The following KCNT2 variants were observed in gnomAD, a reference collection of about 807,000 sequenced individuals.
KCNT2 encodes potassium sodium-activated channel subfamily T member 2, also known as potassium channel subfamily T member 2.
In KCNT2, 67 loss-of-function variants were observed where a neutral mutation model predicts 153.8. That is an observed-to-expected ratio of 0.44 (90% CI 0.36 to 0.53). The LOEUF (loss-of-function observed/expected upper bound fraction) is 0.53, where lower values mean the gene tolerates loss of function less well. Among genes scored for constraint, KCNT2 ranks in the 20% least tolerant of loss-of-function variants. The probability of loss-of-function intolerance (pLI) is 0.00; values close to 1 mark genes in which losing one functional copy is unlikely to be tolerated. For missense variants in KCNT2, 975 were observed against 1,354.8 expected, an observed-to-expected ratio of 0.72 and a Z score of 4.40; for synonymous variants, 500 against 458.8, an observed-to-expected ratio of 1.09 and a Z score of -1.15.
At chr1:196,586,723 AAC>A (rs201012852) in intron 1 of KCNT2, among the ~76,000 whole-genome samples, 8 of 143,610 alleles carry the variant, frequency 5.6e-5, no homozygotes, top group African/African-American at 2.1e-4. Flanking sequence ...GATTAAAAAA[AAC>A]AACAACAACA....
chr1:196,336,985 T>C (rs80070232), intron 16 of KCNT2, among the ~76,000 whole-genome samples: 173 of 151,496 alleles, frequency 1.1e-3, no homozygotes, highest in African/African-American at 4.1e-3. Context: ...CCTGTACTCA[T>C]TTCCTCAAAG....
chr1:196,489,406 C>G (rs1004707201), intron 3 of KCNT2, among the ~76,000 whole-genome samples: 3 of 151,234 alleles, frequency 2.0e-5, no homozygotes, highest in Non-Finnish European at 4.4e-5. Context: ...AAAAGAGAAA[C>G]AGTCTCTAGA....
intron 1 of KCNT2, among the ~76,000 whole-genome samples, chr1:196,509,903 G>A (rs1681473681): frequency 6.6e-6 from 1 of 152,072 alleles, no homozygotes; most frequent in Middle Eastern, 3.2e-3. Context: ...GGACTCCATA[G>A]GACTATCTTG....
intron 25 of KCNT2, among the ~76,000 whole-genome samples, chr1:196,271,964 C>T (rs1469948432): frequency 1.3e-5 from 2 of 151,972 alleles, no homozygotes; most frequent in Non-Finnish European, 2.9e-5. Flanking sequence ...ATGAGCTTTG[C>T]CACAGAATTA....
intron 23 of KCNT2, among the ~76,000 whole-genome samples, chr1:196,282,988 G>T (rs189052008): frequency 0.011 from 1,727 of 152,260 alleles, 18 homozygotes; most frequent in Non-Finnish European, 0.019. Flanking sequence ...GAGATGACAG[G>T]CATGCGCCAT....
intron 1 of KCNT2, among the ~76,000 whole-genome samples, chr1:196,532,140 G>T (rs931050086): frequency 1.3e-5 from 2 of 151,838 alleles, no homozygotes; most frequent in Non-Finnish European, 2.9e-5. Context: ...AATAAAATAA[G>T]GATCAACAGA....
intron 22 of KCNT2, among the ~76,000 whole-genome samples, chr1:196,292,735 AGGCGG>A (rs1323701019): frequency 1.0e-4 from 14 of 136,990 alleles, no homozygotes; most frequent in African/African-American, 3.8e-4. Flanking sequence ...TGAACCCGGG[AGGCGG>A]GGCGGAACTT....
In KCNT2 at chr1:196,340,513, A is replaced by T; in HGVS notation, c.1611T>A (p.Asn537Lys). ...RREDNKNILL[N>K]PGPRYIMNST... is the part of the protein sequence containing the mutation. ...AATTCATAATGTATCGAGGACCTGG[A>T]TTCAGCAAAATGTTTTTATTATCCT... Residue 537 changes from asparagine (N) to lysine (K), a missense_variant, in exon 16 of 28, where the codon AAT becomes AAA. Transcript: ENST00000294725. 6.2e-7 allele frequency: 1 copy of T among 1,611,706 alleles called. No homozygotes were observed.
intron 1 of KCNT2, among the ~76,000 whole-genome samples, chr1:196,499,616 G>A (rs1680515317): frequency 6.6e-6 from 1 of 152,120 alleles, no homozygotes; most frequent in African/African-American, 2.4e-5. Context: ...AACATCTGAG[G>A]ATGCAAAACT....
intron 26 of KCNT2, among the ~76,000 whole-genome samples, chr1:196,253,739 C>T (rs923631968): frequency 1.3e-5 from 2 of 151,450 alleles, no homozygotes; most frequent in South Asian, 2.1e-4. Context: ...TGTTTTACAG[C>T]ATTTAGAAAG....
At chr1:196,514,867 T>TG (rs1359760331) in intron 1 of KCNT2, among the ~76,000 whole-genome samples, 1 of 152,194 alleles carries the variant, frequency 6.6e-6, no homozygotes, top group East Asian at 1.9e-4. Flanking sequence ...TACCTTAACA[T>TG]GGAGGTACCT....
At chr1:196,386,796 T>A (rs558557181) in intron 13 of KCNT2, among the ~76,000 whole-genome samples, 2 of 152,252 alleles carry the variant, frequency 1.3e-5, no homozygotes, top group East Asian at 3.9e-4. Context: ...GTCCTTATGA[T>A]TGATTATACA....
intron 4 of KCNT2, among the ~76,000 whole-genome samples, chr1:196,480,713 G>T (rs184879569): frequency 0.058 from 8,766 of 151,702 alleles, 397 homozygotes; most frequent in Non-Finnish European, 0.085. Context: ...AAAAGTAGCC[G>T]GGCGTGGTGG....
chr1:196,551,757 G>A (rs1002399255), intron 1 of KCNT2, among the ~76,000 whole-genome samples: 6 of 151,310 alleles, frequency 4.0e-5, no homozygotes, highest in African/African-American at 1.5e-4. Flanking sequence ...ATCATGACCT[G>A]AAAAAAATGT....
In KCNT2 at chr1:196,381,413, T is replaced by C. The variant is rs546387886; in HGVS notation, c.1295-8165A>G. ...CGAAGATACTTACTGAAGCTTCTTTTTAGTAATAAAATAATAATACTAAAT... is the reference window on the plus strand; with the variant it reads ...CGAAGATACTTACTGAAGCTTCTTTCTAGTAATAAAATAATAATACTAAAT... On this transcript the variant is annotated intron_variant, in intron 13 of 27. Transcript: ENST00000294725. Among the ~76,000 whole-genome samples, 62 of 152,078 alleles carry C rather than the reference T, an allele frequency of 4.1e-4. No individual in the cohort carries two copies. The South Asian group carries it at 5.8e-3, about 14-fold the overall frequency.
chr1:196,517,747 C>T (rs1279810758), intron 1 of KCNT2, among the ~76,000 whole-genome samples: 2 of 152,116 alleles, frequency 1.3e-5, no homozygotes, highest in East Asian at 3.9e-4. Flanking sequence ...AGAAATAAAA[C>T]CTCCAAGAAA....
At chr1:196,522,580 G>C (rs1653581194) in intron 1 of KCNT2, among the ~76,000 whole-genome samples, 1 of 152,192 alleles carries the variant, frequency 6.6e-6, no homozygotes, top group Non-Finnish European at 1.5e-5. Flanking sequence ...ATACTAGTGA[G>C]AGGTGAAGCC....
chr1:196,469,377 A>T (rs747047917), intron 5 of KCNT2, among the ~76,000 whole-genome samples: 1 of 152,136 alleles, frequency 6.6e-6, no homozygotes, highest in Non-Finnish European at 1.5e-5. Context: ...CATTAACAAA[A>T]CCTACAGTCA....
intron 1 of KCNT2, among the ~76,000 whole-genome samples, chr1:196,503,642 G>T (rs1320446031): frequency 6.6e-6 from 1 of 152,132 alleles, no homozygotes; most frequent in Non-Finnish European, 1.5e-5. Context: ...TCCAATATGG[G>T]GAGAAATATA....
Sources: allele counts gnomAD v4.1 joint callset (sites outside exome capture counted in the v4.1 genomes callset), GRCh38; gene constraint gnomAD v4.1.1; transcripts MANE v1.5; gene names NCBI Gene and HGNC (gene_info 2026-07-23, HGNC 2026-07-21).